Variants in KANK2 observed in about 807,000 individuals in gnomAD.
KANK2 encodes the protein KN motif and ankyrin repeat domain-containing protein 2.
Under a neutral mutation model 74.6 loss-of-function variants are expected in KANK2, and 41 were observed. The observed-to-expected ratio is 0.55, with a 90% CI of 0.43 to 0.71. The LOEUF (loss-of-function observed/expected upper bound fraction) is 0.71. KANK2 is among the 30% of genes least tolerant of loss of function. KANK2 has a pLI of 0.00. For synonymous variants in KANK2, 537 were observed against 519.0 expected (o/e 1.03, Z -0.47); for missense variants, 1,148 against 1,196.4 (o/e 0.96, Z 0.60).
intron 4 of KANK2, among the ~76,000 whole-genome samples, chr19:11,182,988 T>C (rs976580838): frequency 6.6e-6 from 1 of 152,066 alleles, no homozygotes; most frequent in Non-Finnish European, 1.5e-5. Flanking sequence ...AGACTTGGAA[T>C]GCTAGCATAA....
At chr19:11,186,694 T>C (rs1483179936) in intron 4 of KANK2, among the ~76,000 whole-genome samples, 1 of 151,712 alleles carries the variant, frequency 6.6e-6, no homozygotes, top group African/African-American at 2.4e-5. Context: ...AGTGAAACTC[T>C]GTCTCAAAAA....
intron 12 of KANK2, among the ~76,000 whole-genome samples, chr19:11,168,734 C>T (rs146357139): frequency 2.0e-4 from 30 of 152,246 alleles, no homozygotes; most frequent in Middle Eastern, 6.8e-3. Flanking sequence ...GACTAAGACA[C>T]GCATTTGGAA....
In KANK2 at chr19:11,192,892, G is replaced by A. The variant is rs759105909; in HGVS notation, c.1188C>T (p.Thr396=). 1.9e-6 allele frequency: 3 copies of A among 1,613,968 alleles called. No individual in the cohort carries two copies. The highest frequency in any genetic ancestry group is 1.1e-5 in the South Asian group (1 of 91,078). Residue 396 remains threonine, a synonymous_variant, in exon 4 of 13, where the codon ACC becomes ACT. Coordinates refer to ENST00000586659, the MANE Select transcript of KANK2 (RefSeq NM_001136191.3). The part of the protein sequence containing the change: ...ETMCPVPAAA[T]SNVHMVKKIS... ...TCTTCTTCACCATATGGACGTTGCT[G>A]GTAGCTGCAGCGGGCACTGGGCACA...
At chr19:11,196,727 T>G (rs1217415923) in intron 1 of KANK2, 1 of 152,304 alleles carries the variant, frequency 6.6e-6, no homozygotes, top group Non-Finnish European at 1.5e-5. Context: ...GAGACCCTTC[T>G]CTCGCCATGG....
rs1302666235 is a variant in KANK2 at position 11,173,076 on chromosome 19, T to C, written c.2116A>G (p.Met706Val). ...KQNRAGYSPI[M>V]LTALATLKTQ... ...TTCAGGGTGGCCAGGGCGGTGAGCATAATAGGGCTGTAGCCAGCACGGTTC... is the reference window on the plus strand; with the variant it reads ...TTCAGGGTGGCCAGGGCGGTGAGCACAATAGGGCTGTAGCCAGCACGGTTC... Residue 706 changes from methionine to valine, a missense_variant, in exon 10 of 13, where the codon ATG becomes GTG. Met to Val is a conservative substitution (Grantham distance 21). Transcript: ENST00000586659. 1 of 1,614,068 alleles carries C rather than the reference T, an allele frequency of 6.2e-7. No homozygotes were observed. Among genetic ancestry groups the C allele is most frequent in the Non-Finnish European group, 8.5e-7 (1 of 1,179,990 alleles).
intron 4 of KANK2, among the ~76,000 whole-genome samples, chr19:11,182,864 T>TA (rs1352274585): frequency 1.5e-4 from 16 of 107,106 alleles, no homozygotes; most frequent in Admixed American, 1.4e-3. Context: ...AAAAAAAAAG[T>TA]AAAAAAAATC....
At chr19:11,176,952 C>T in intron 6 of KANK2, 135 bp from the exon 7 acceptor site, 1 of 1,050,106 alleles carries the variant, frequency 9.5e-7, no homozygotes, top group East Asian at 2.7e-5. Context: ...TATTGACATT[C>T]CAGGGTTGTG....
In KANK2 at chr19:11,193,891, T is replaced by G. The variant is rs758325179; in HGVS notation, c.189A>C (p.Ala63=). ...AGCTCAGGCGGGGGCGGCGCTGCAC[T>G]GCCACGCGTCGCAGCGTGTGGCCCT... ...IEKGHTLRRV[A]VQRRPRLSSL... The change falls in exon 4 of 13, where the codon GCA becomes GCC. Residue 63 remains alanine, a synonymous_variant. Coordinates refer to ENST00000586659, the MANE Select transcript of KANK2 (RefSeq NM_001136191.3). This position sits in a 1 kb window ranked among gnomAD's most constrained non-coding sequence, Gnocchi z 9.6. The G allele has an allele frequency of 9.9e-6, 16 of 1,613,692 alleles. No homozygotes were observed. The South Asian group carries it at 1.6e-4, about 17-fold the overall frequency.
At chr19:11,175,697 G>A (rs1026716027) in intron 8 of KANK2, among the ~76,000 whole-genome samples, 2 of 152,152 alleles carry the variant, frequency 1.3e-5, no homozygotes, top group African/African-American at 4.8e-5. Flanking sequence ...TGGCCAGTGA[G>A]TGTTCATCCT....
intron 4 of KANK2, among the ~76,000 whole-genome samples, chr19:11,192,225 A>T (rs1187594681): frequency 2.0e-5 from 3 of 152,102 alleles, no homozygotes; most frequent in Admixed American, 1.3e-4. Flanking sequence ...TGGTAAACCA[A>T]CAGCCTTGGG....
At chr19:11,168,980 T>G (rs1337852360) in intron 12 of KANK2, among the ~76,000 whole-genome samples, 2 of 152,194 alleles carry the variant, frequency 1.3e-5, no homozygotes, top group Non-Finnish European at 2.9e-5. Flanking sequence ...AGAGGAAGCA[T>G]GGCTTAAGCT....
At chr19:11,194,850 C>T (rs964623462) in intron 2 of KANK2, 1 of 229,358 alleles carries the variant, frequency 4.4e-6, no homozygotes, top group Admixed American at 4.4e-5. Context: ...GTTCCCATAG[C>T]CCAGCCTCCA....
rs748861881 is a variant in KANK2, at chr19:11,174,636, G to A, written c.1905C>T (p.Asp635=). Residue 635 remains aspartate (D), a synonymous_variant, in exon 9 of 13, where the codon GAC becomes GAT. Transcript: ENST00000586659. Reference sequence around the variant, plus strand: ...GCCGCCGCACCAGCTCGGGGTGTGCGTCGCTGCGGCAGGCCAGGCGCAGCC... The same window carrying A: ...GCCGCCGCACCAGCTCGGGGTGTGCATCGCTGCGGCAGGCCAGGCGCAGCC... ...QEWLRLACRS[D]AHPELVRRHL... 37 of 1,611,350 alleles carry A rather than the reference G, an allele frequency of 2.3e-5. No homozygotes were observed. Among genetic ancestry groups the A allele is most frequent in the Middle Eastern group, 1.7e-4 (1 of 5,852 alleles).
At chr19:11,184,201 C>T (rs1388676851) in intron 4 of KANK2, among the ~76,000 whole-genome samples, 1 of 150,844 alleles carries the variant, frequency 6.6e-6, no homozygotes, top group African/African-American at 2.4e-5. Context: ...CATGGTGAAA[C>T]CCAGTCTCTA....
intron 4 of KANK2, among the ~76,000 whole-genome samples, chr19:11,189,789 G>A (rs1400967466): frequency 6.6e-6 from 1 of 152,116 alleles, no homozygotes; most frequent in African/African-American, 2.4e-5. Context: ...ATGTCTGTTT[G>A]TCCTGCAGGC....
At chr19:11,173,151 C>T (rs763602191) in intron 9 of KANK2, 28 bp from the exon 10 acceptor site, 5 of 1,598,106 alleles carry the variant, frequency 3.1e-6, no homozygotes, top group Non-Finnish European at 4.3e-6. Flanking sequence ...AACCCTCAGA[C>T]CAGGGATCGC....
intron 4 of KANK2, 48 bp downstream of exon 4, chr19:11,192,783 G>GGCCCCC: frequency 6.9e-7 from 1 of 1,444,010 alleles, no homozygotes; most frequent in Non-Finnish European, 9.5e-7. Context: ...GAAGAAAGAG[G>GGCCCCC]CCCCCCCCCC....
chr19:11,166,706 G>A (rs1234047120), intron 12 of KANK2, 95 bp from the exon 13 acceptor site: 34 of 1,199,100 alleles, frequency 2.8e-5, no homozygotes, highest in Non-Finnish European at 4.1e-5. Context: ...TGATGGGTAA[G>A]CAGGAGGGAG....
At chr19:11,186,178 G>A (rs1435785395) in intron 4 of KANK2, among the ~76,000 whole-genome samples, 2 of 151,094 alleles carry the variant, frequency 1.3e-5, no homozygotes, top group African/African-American at 4.9e-5. Context: ...ACCTAAGGAT[G>A]AGAGTTTGAG....
Sources: gnomAD v4.1 joint callset for allele counts (sites outside exome capture counted in the v4.1 genomes callset) on GRCh38, gnomAD v4.1.1 for gene constraint, Gnocchi (gnomAD v3.1) non-coding constraint, MANE v1.5 for transcripts, NCBI Gene and HGNC (gene_info 2026-07-23, HGNC 2026-07-21) for gene names.